SLC4A10: variants seen among roughly 807,000 people sequenced by gnomAD.
SLC4A10 encodes solute carrier family 4 member 10, also known as sodium-driven chloride bicarbonate exchanger.
In SLC4A10, 42 loss-of-function variants were observed where a neutral mutation model predicts 137.7. That is an observed-to-expected ratio of 0.30 (90% CI 0.24 to 0.39). The LOEUF (loss-of-function observed/expected upper bound fraction) is 0.39, where lower values mean the gene tolerates loss of function less well. Ranked by LOEUF, SLC4A10 falls within the 10% of genes least tolerant of loss-of-function variation. The probability of loss-of-function intolerance (pLI) is 1.00; values close to 1 mark genes in which losing one functional copy is unlikely to be tolerated. For missense variants in SLC4A10, 925 were observed against 1,355.0 expected, an observed-to-expected ratio of 0.68 and a Z score of 4.98; for synonymous variants, 474 against 464.1, an observed-to-expected ratio of 1.02 and a Z score of -0.27.
At chr2:161,834,267 C>A (rs2058622107) in intron 3 of SLC4A10, among the ~76,000 whole-genome samples, 1 of 152,032 alleles carries the variant, frequency 6.6e-6, no homozygotes, top group Non-Finnish European at 1.5e-5. Flanking sequence ...CTGCAATTGC[C>A]CAAATGTACC....
chr2:161,805,571 A>G (rs1392895039), intron 3 of SLC4A10, among the ~76,000 whole-genome samples: 1 of 152,190 alleles, frequency 6.6e-6, no homozygotes, highest in East Asian at 1.9e-4. Context: ...CAAATGGGAG[A>G]TATTGGCCAA....
In SLC4A10 at chr2:161,957,067, T is replaced by A; in HGVS notation, c.2620T>A (p.Phe874Ile). Residue 874 changes from phenylalanine to isoleucine, a missense_variant, in exon 20 of 27, where the codon TTT becomes ATT. Around this residue, in one of 11 missense-constraint regions of SLC4A10, gnomAD observed 115 missense variants for 237.5 expected, o/e 0.48. Transcript: ENST00000446997. Reference sequence around the variant, plus strand: ...ATGCTCCATCATGGGCCTGCCATGGTTTGTGGCTGCCACAGTCCTCTCCAT... The same window carrying A: ...ATGCTCCATCATGGGCCTGCCATGGATTGTGGCTGCCACAGTCCTCTCCAT... ...GVCSIMGLPW[F>I]VAATVLSITH... 1 of 1,612,574 alleles carries A rather than the reference T, an allele frequency of 6.2e-7. No individual in the cohort carries two copies.
At chr2:161,887,296 A>G (rs890055651) in intron 10 of SLC4A10, among the ~76,000 whole-genome samples, 2 of 152,164 alleles carry the variant, frequency 1.3e-5, no homozygotes, top group African/African-American at 2.4e-5. Flanking sequence ...GTATCTTTAT[A>G]GTAGAATGAT....
At chr2:161,804,338 A>G (rs1383276692) in intron 2 of SLC4A10, 111 bp from the exon 3 acceptor site, 15 of 1,234,940 alleles carry the variant, frequency 1.2e-5, no homozygotes, top group Admixed American at 2.7e-5. Context: ...ATAAACATCA[A>G]AAATGACTTG....
intron 15 of SLC4A10, among the ~76,000 whole-genome samples, chr2:161,926,918 T>C (rs1227324823): frequency 6.6e-6 from 1 of 151,884 alleles, no homozygotes; most frequent in Non-Finnish European, 1.5e-5. Context: ...GAGTTTCTGC[T>C]GAGAGATCCG....
intron 2 of SLC4A10, among the ~76,000 whole-genome samples, chr2:161,790,562 A>T (rs1489512438): frequency 6.6e-6 from 1 of 152,204 alleles, no homozygotes; most frequent in Non-Finnish European, 1.5e-5. Context: ...TTGAAATTGT[A>T]GGTTTTGCCT....
intron 11 of SLC4A10, among the ~76,000 whole-genome samples, chr2:161,895,176 C>G (rs1324281685): frequency 6.7e-6 from 1 of 149,776 alleles, no homozygotes. Flanking sequence ...TGGTTTTTTG[C>G]CCTTGCGATA....
chr2:161,751,356 T>G (rs2125305271), intron 1 of SLC4A10, among the ~76,000 whole-genome samples: 1 of 151,464 alleles, frequency 6.6e-6, no homozygotes, highest in East Asian at 1.9e-4. Flanking sequence ...ATTTTGCTTT[T>G]TTTTTTTTTT....
Position 161,698,099 on chromosome 2 carries a change from C to T in SLC4A10, c.49-72874C>T, listed in dbSNP as rs113097009. Among the ~76,000 whole-genome samples, 395 of 152,252 alleles carry T rather than the reference C, an allele frequency of 2.6e-3. 1 individual carries two copies. Among genetic ancestry groups the T allele is most frequent in the African/African-American group, 8.9e-3 (370 of 41,546 alleles). On this transcript the variant is annotated intron_variant, in intron 1 of 26. Transcript: ENST00000446997. Reference sequence around the variant, plus strand: ...GAATGGGAGTTCACTTATGATTTGGCTCTCTGTTTGTCTGTTATTGGTGTA... The same window carrying T: ...GAATGGGAGTTCACTTATGATTTGGTTCTCTGTTTGTCTGTTATTGGTGTA...
intron 4 of SLC4A10, among the ~76,000 whole-genome samples, chr2:161,845,638 A>T (rs1194690093): frequency 6.6e-6 from 1 of 152,088 alleles, no homozygotes; most frequent in Non-Finnish European, 1.5e-5. Flanking sequence ...CAGACACATA[A>T]ATCACTGGAA....
intron 1 of SLC4A10, among the ~76,000 whole-genome samples, chr2:161,697,866 G>C (rs987303144): frequency 2.0e-5 from 3 of 152,178 alleles, no homozygotes; most frequent in South Asian, 2.1e-4. Context: ...AGCTTGATGG[G>C]GATGGCATTA....
chr2:161,627,636 C>T (rs1391487367), intron 1 of SLC4A10, among the ~76,000 whole-genome samples: 2 of 151,856 alleles, frequency 1.3e-5, no homozygotes, highest in Non-Finnish European at 2.9e-5. Flanking sequence ...TCTTTTTTTC[C>T]CAGTCCTTCT....
intron 1 of SLC4A10, among the ~76,000 whole-genome samples, chr2:161,657,186 GATA>G (rs1297349379): frequency 6.6e-6 from 1 of 151,920 alleles, no homozygotes; most frequent in Non-Finnish European, 1.5e-5. Context: ...TGAGTAGAAA[GATA>G]ATGAGTTTTC....
At chr2:161,712,783 T>A (rs549873814) in intron 1 of SLC4A10, among the ~76,000 whole-genome samples, 8 of 151,886 alleles carry the variant, frequency 5.3e-5, no homozygotes, top group Non-Finnish European at 1.0e-4. Flanking sequence ...TCTCTGAATT[T>A]CACTTCTCTT....
chr2:161,901,011 G>T lies in SLC4A10; in HGVS notation c.1442G>T (p.Arg481Met). ...GGACCTGAACTCCAGCGAACTGGAA[G>T]GTTAGTGAAAATCACTTCTATGGGA... ...HSGPELQRTG[R>M]IFGGLILDIK... The change falls in exon 12 of 27, where the codon AGG becomes ATG. Residue 481 changes from arginine (R) to methionine (M), a missense_variant and splice_region_variant. By Grantham distance (91) the Arg-to-Met change is moderately conservative. Coordinates refer to ENST00000446997, the MANE Select transcript of SLC4A10 (RefSeq NM_001178015.2). 6.4e-7 allele frequency: 1 copy of T among 1,557,740 alleles called. No homozygotes were observed.
At chr2:161,943,589 T>G (rs1330048549) in intron 16 of SLC4A10, among the ~76,000 whole-genome samples, 1 of 152,110 alleles carries the variant, frequency 6.6e-6, no homozygotes, top group Non-Finnish European at 1.5e-5. Context: ...ACTTGCATTC[T>G]ATGCTTCTGG....
At chr2:161,766,789 A>G (rs189188222) in intron 1 of SLC4A10, among the ~76,000 whole-genome samples, 1 of 151,766 alleles carries the variant, frequency 6.6e-6, no homozygotes, top group Admixed American at 6.6e-5. Flanking sequence ...AAAACTACTG[A>G]AGAGCAAAGC....
intron 5 of SLC4A10, among the ~76,000 whole-genome samples, chr2:161,857,991 C>G (rs1373132486): frequency 6.6e-6 from 1 of 152,120 alleles, no homozygotes; most frequent in African/African-American, 2.4e-5. Flanking sequence ...GGATTACAGG[C>G]ATGAGTCACT....
chr2:161,946,461 A>T (rs1693822524), intron 16 of SLC4A10, among the ~76,000 whole-genome samples: 1 of 151,958 alleles, frequency 6.6e-6, no homozygotes, highest in East Asian at 1.9e-4. Context: ...TGTGTTTGTG[A>T]TCAATCTATC....
Sources: allele counts gnomAD v4.1 joint callset (sites outside exome capture counted in the v4.1 genomes callset), GRCh38; gene constraint gnomAD v4.1.1; regional missense constraint gnomAD v4.1.1; transcripts MANE v1.5; gene names NCBI Gene and HGNC (gene_info 2026-07-23, HGNC 2026-07-21).